Variants in LRIG3 observed in about 807,000 individuals in gnomAD.
LRIG3 encodes the protein leucine rich repeats and immunoglobulin like domains 3, also known as leucine-rich repeats and immunoglobulin-like domains protein 3.
Under a neutral mutation model 114.5 loss-of-function variants are expected in LRIG3, and 76 were observed. The ratio of observed to expected loss-of-function variants is 0.66; its 90% CI spans 0.55 to 0.80. LRIG3 has a LOEUF of 0.80. LRIG3 is among the 30% of genes least tolerant of loss of function. LRIG3 has a pLI of 0.00. For missense variants in LRIG3, 1,239 were observed against 1,382.8 expected, an observed-to-expected ratio of 0.90 and a Z score of 1.65; for synonymous variants, 512 against 519.8, an observed-to-expected ratio of 0.98 and a Z score of 0.20.
chr12:58,887,840 ACT>A lies in LRIG3; in HGVS notation c.1038_1039del (p.Arg346SerfsTer6), dbSNP rs758117752. The A allele has an allele frequency of 1.2e-6, 2 of 1,613,740 alleles. No homozygotes were observed. The highest frequency in any genetic ancestry group is 3.3e-5 in the Admixed American group (2 of 59,992). On this transcript the variant is annotated frameshift_variant, in exon 8 of 19. Transcript: ENST00000320743. LOFTEE classifies it high-confidence loss of function. ...GAAGGCACAATCAGCAATGTAGCTG[ACT>A]CTGTTGTTCCCAATGTGCAGTGTAT...
chr12:58,900,285 C>CT (rs530832708), intron 3 of LRIG3, among the ~76,000 whole-genome samples: 1,969 of 142,016 alleles, frequency 0.014, 35 homozygotes, highest in African/African-American at 0.042. Flanking sequence ...TCTCAAGCAC[C>CT]TTTTTTTTTT....
intron 9 of LRIG3, 21 bp downstream of exon 9, chr12:58,886,789 T>C (rs779236021): frequency 1.9e-6 from 3 of 1,607,346 alleles, no homozygotes; most frequent in Non-Finnish European, 2.6e-6. Flanking sequence ...TGAGCTAAAT[T>C]ATGAGGCAAT....
chr12:58,897,003 G>C (rs1871666208), intron 3 of LRIG3, among the ~76,000 whole-genome samples: 1 of 152,124 alleles, frequency 6.6e-6, no homozygotes, highest in African/African-American at 2.4e-5. Context: ...AAGCTTCCTT[G>C]AAAACTATCT....
intron 3 of LRIG3, among the ~76,000 whole-genome samples, chr12:58,895,884 G>A (rs111421620): frequency 2.0e-5 from 3 of 152,140 alleles, no homozygotes; most frequent in Non-Finnish European, 4.4e-5. Flanking sequence ...CACACACTGT[G>A]CTTTTCTCCT....
In LRIG3 at chr12:58,872,547, A is replaced by C. The variant is rs763950077; in HGVS notation, c.*25T>G. ...AAAGTTCACTTGAGGTAGTATGTTA[A>C]GCTTTTCCTTTGGTCTCATTCAGTC... On this transcript the variant is annotated 3_prime_UTR_variant, in exon 19 of 19. Transcript: ENST00000320743. 1 of 1,565,328 alleles carries C rather than the reference A, an allele frequency of 6.4e-7. No individual in the cohort carries two copies. The highest frequency in any genetic ancestry group is 8.7e-7 in the Non-Finnish European group (1 of 1,153,640).
At chr12:58,873,922 G>T in intron 18 of LRIG3, 133 bp downstream of exon 18, 1 of 1,028,306 alleles carries the variant, frequency 9.7e-7, no homozygotes, top group Non-Finnish European at 1.4e-6. Context: ...ACACTAACTA[G>T]TCGGATGTCA....
rs1240277374 is a variant in LRIG3 at position 58,914,049 on chromosome 12, T to C, written c.316A>G (p.Asn106Asp). 1 of 1,607,238 alleles carries C rather than the reference T, an allele frequency of 6.2e-7. No individual in the cohort carries two copies. The highest frequency in any genetic ancestry group is 1.7e-5 in the Admixed American group (1 of 59,184). The change falls in exon 3 of 19, where the codon AAC becomes GAC. Residue 106 changes from asparagine (N) to aspartate (D), a missense_variant. Transcript: ENST00000320743. ...GGAATGGTCTCCAATTCATTGTTGT[T>C]CAGTTTCCTACAAATGCCAAAAAAA... Reference protein sequence around the residue: ...HLQSLREVKLNNNELETIPNL... With the variant: ...HLQSLREVKLDNNELETIPNL...
At chr12:58,894,849 A>AT (rs990504296) in intron 3 of LRIG3, among the ~76,000 whole-genome samples, 2 of 152,232 alleles carry the variant, frequency 1.3e-5, no homozygotes, top group African/African-American at 4.8e-5. Context: ...GAGACTAGGA[A>AT]TATTTTGGTC....
intron 6 of LRIG3, 102 bp from the exon 7 acceptor site, chr12:58,888,574 T>C (rs1211469748): frequency 2.1e-6 from 3 of 1,451,582 alleles, no homozygotes; most frequent in Non-Finnish European, 2.8e-6. Context: ...CTATTGTTAT[T>C]AGATGTTTAG....
rs1019572218 is a variant in LRIG3 at position 58,890,120 on chromosome 12, C to T, written c.535G>A (p.Val179Ile). Residue 179 changes from valine to isoleucine, a missense_variant, in exon 5 of 19, where the codon GTC becomes ATC. Physicochemically the swap from Val to Ile is conservative, Grantham distance 29. Transcript: ENST00000320743. ...AAATACCCAGGTTCCATTGATGTGA[C>T]TCGGTTGCTGTTGAGATACCTGTTG... The part of the protein sequence containing the change: ...LKYLYLNSNR[V>I]TSMEPGYFDN... 3 of 1,613,598 alleles carry T rather than the reference C, an allele frequency of 1.9e-6. No homozygotes were observed. Among genetic ancestry groups the T allele is most frequent in the Non-Finnish European group, 1.7e-6 (2 of 1,179,660 alleles).
chr12:58,879,981 T>C (rs1871064254), intron 13 of LRIG3, among the ~76,000 whole-genome samples: 1 of 152,132 alleles, frequency 6.6e-6, no homozygotes, highest in Non-Finnish European at 1.5e-5. Context: ...ATCAGTATAC[T>C]ACACTGTAAA....
intron 3 of LRIG3, among the ~76,000 whole-genome samples, chr12:58,906,906 A>G (rs2120966100): frequency 6.6e-6 from 1 of 152,186 alleles, no homozygotes; most frequent in East Asian, 1.9e-4. Flanking sequence ...ACACAAGGAG[A>G]AAAGTAGATT....
chr12:58,874,551 G>A lies in LRIG3; in HGVS notation c.2718C>T (p.Ser906=), dbSNP rs1474361937. ...DSSGTCHIDN[S]SEADVEAATD... ...TGGCAGCTTCCACATCAGCTTCACTGCTATTGTCAATATGGCAGGTCCCTT... is the reference window on the plus strand; with the variant it reads ...TGGCAGCTTCCACATCAGCTTCACTACTATTGTCAATATGGCAGGTCCCTT... The change falls in exon 17 of 19, where the codon AGC becomes AGT. Residue 906 remains serine, a synonymous_variant. Transcript: ENST00000320743. 6.2e-7 allele frequency: 1 copy of A among 1,614,028 alleles called. No homozygotes were observed. Among genetic ancestry groups the A allele is most frequent in the African/African-American group, 1.3e-5 (1 of 74,916 alleles).
Position 58,886,739 on chromosome 12 carries a change from T to C in LRIG3, c.1172+71A>G, listed in dbSNP as rs1871287735. The stretch of plus-strand genomic sequence containing the variant: ...CATCTCTTCATGATGTCAACTTGTA[T>C]AGCTGACTTCAGTGAAGACAAAATT... On this transcript the variant is annotated intron_variant, in intron 9 of 18. Transcript: ENST00000320743. The C allele has an allele frequency of 6.5e-6, 8 of 1,239,648 alleles. No individual in the cohort carries two copies. In the Admixed American group the frequency reaches 1.0e-4, roughly 16 times the overall value. The allele number at this position is 1,239,648 out of a possible 1,614,324, so 76.8% of individuals were successfully genotyped here.
At chr12:58,882,829 A>C (rs1196694165) in intron 12 of LRIG3, 40 bp downstream of exon 12, 1 of 1,541,946 alleles carries the variant, frequency 6.5e-7, no homozygotes, top group African/African-American at 1.4e-5. Flanking sequence ...GGGGGAAAAA[A>C]GAAGAATAAA....
At chr12:58,878,259 G>A (rs1056712848) in intron 14 of LRIG3, among the ~76,000 whole-genome samples, 5 of 152,100 alleles carry the variant, frequency 3.3e-5, no homozygotes, top group Non-Finnish European at 5.9e-5. Flanking sequence ...CCGGATGCCT[G>A]GGCCTATATT....
chr12:58,891,153 T>G (rs150083741), intron 3 of LRIG3, among the ~76,000 whole-genome samples: 3 of 152,080 alleles, frequency 2.0e-5, no homozygotes, highest in African/African-American at 7.2e-5. Context: ...TCTCACTCTG[T>G]CACCCAGGCT....
intron 7 of LRIG3, 80 bp from the exon 8 acceptor site, chr12:58,888,012 G>A (rs1029930463): frequency 3.9e-6 from 5 of 1,288,920 alleles, no homozygotes; most frequent in African/African-American, 1.5e-5. Context: ...GACAGGTACT[G>A]TATGAGCTAC....
chr12:58,896,946 A>G (rs1246724706), intron 3 of LRIG3, among the ~76,000 whole-genome samples: 1 of 152,226 alleles, frequency 6.6e-6, no homozygotes, highest in African/African-American at 2.4e-5. Flanking sequence ...CTGCAAACAC[A>G]TTAAAGGTCA....
Sources: gnomAD v4.1 joint callset for allele counts (sites outside exome capture counted in the v4.1 genomes callset) on GRCh38, gnomAD v4.1.1 for gene constraint, MANE v1.5 for transcripts, NCBI Gene and HGNC (gene_info 2026-07-23, HGNC 2026-07-21) for gene names.